The following SHLD1 variants were observed in gnomAD, a reference collection of about 807,000 sequenced individuals.
SHLD1 encodes the protein shieldin complex subunit 1, also known as RINN1-REV7-interacting novel NHEJ regulator 3.
A neutral mutation model predicts 5.5 loss-of-function variants in SHLD1; 3 were observed. The observed-to-expected ratio is 0.54, with a 90% CI of 0.25 to 1.40. The LOEUF (loss-of-function observed/expected upper bound fraction) is 1.40. Ranked by LOEUF, SHLD1 falls within the 40% of genes most tolerant of loss-of-function variation. SHLD1 has a pLI of 0.15. For synonymous variants in SHLD1, 92 were observed against 94.3 expected, an observed-to-expected ratio of 0.98 and a Z score of 0.14; for missense variants, 210 against 244.4, an observed-to-expected ratio of 0.86 and a Z score of 0.94.
chr20:5,838,270 A>G (rs533697203), intron 2 of SHLD1, among the ~76,000 whole-genome samples: 1 of 152,358 alleles, frequency 6.6e-6, no homozygotes, highest in Non-Finnish European at 1.5e-5. Flanking sequence ...ATCATATATG[A>G]GCATATTAAT....
chr20:5,758,928 T>C lies in SHLD1; in HGVS notation c.-5+8449T>C, dbSNP rs1984293806. Among the ~76,000 whole-genome samples, 4 of 151,660 alleles carry C rather than the reference T, an allele frequency of 2.6e-5. No homozygotes were observed. The South Asian group carries it at 8.3e-4, about 32-fold the overall frequency. On this transcript the variant is annotated intron_variant, in intron 1 of 2. Coordinates refer to ENST00000303142, the MANE Select transcript of SHLD1 (RefSeq NM_152504.4). ...GAGCAGATGTCAAATGTGTTTTTTT[T>C]TTTTTCTCATCTTTCTTGACAAGTT...
At chr20:5,856,189 C>T (rs1005189525) in intron 2 of SHLD1, among the ~76,000 whole-genome samples, 7 of 152,220 alleles carry the variant, frequency 4.6e-5, no homozygotes, top group African/African-American at 1.4e-4. Context: ...CACTGATTAA[C>T]GTCTGAGCAG....
intron 1 of SHLD1, among the ~76,000 whole-genome samples, chr20:5,755,929 CAAAG>C (rs1984066867): frequency 6.6e-6 from 1 of 152,144 alleles, no homozygotes; most frequent in Non-Finnish European, 1.5e-5. Context: ...CAAACTATGA[CAAAG>C]AAAATATGTT....
intron 1 of SHLD1, among the ~76,000 whole-genome samples, chr20:5,769,156 C>T (rs1985009325): frequency 6.6e-6 from 1 of 152,272 alleles, no homozygotes; most frequent in East Asian, 1.9e-4. Context: ...ATGCTTCTGC[C>T]TCGGCCCCGC....
At chr20:5,750,513 T>TGGGGGG (rs1983680237) in intron 1 of SHLD1, 34 bp downstream of exon 1, 15 of 23,246 alleles carry the variant, frequency 6.5e-4, no homozygotes, top group African/African-American at 1.2e-3. Context: ...GGGGTTGGAG[T>TGGGGGG]GGTGGGGGCG....
At chr20:5,846,355 T>C (rs896090305) in intron 2 of SHLD1, among the ~76,000 whole-genome samples, 1 of 152,260 alleles carries the variant, frequency 6.6e-6, no homozygotes, top group African/African-American at 2.4e-5. Context: ...GCTTATATTT[T>C]TCTTACGCGT....
chr20:5,861,578 G>A (rs1389534846), intron 2 of SHLD1, among the ~76,000 whole-genome samples: 2 of 152,122 alleles, frequency 1.3e-5, no homozygotes, highest in African/African-American at 4.8e-5. Context: ...GATAACTTCC[G>A]GATAATCTAT....
At chr20:5,805,445 C>T (rs547362545) in intron 2 of SHLD1, among the ~76,000 whole-genome samples, 45 of 152,148 alleles carry the variant, frequency 3.0e-4, no homozygotes, top group Non-Finnish European at 5.7e-4. Context: ...GCGTGAGACC[C>T]CTAATCCTTT....
At chr20:5,857,891 A>G (rs376177319) in intron 2 of SHLD1, among the ~76,000 whole-genome samples, 3 of 152,138 alleles carry the variant, frequency 2.0e-5, no homozygotes, top group Admixed American at 2.0e-4. Flanking sequence ...CGAGGTCAGG[A>G]GATCGAGACC....
intron 2 of SHLD1, among the ~76,000 whole-genome samples, chr20:5,824,080 A>T (rs959913728): frequency 2.0e-5 from 3 of 152,192 alleles, no homozygotes; most frequent in African/African-American, 4.8e-5. Context: ...AAGCTGCTCC[A>T]TCAGCTCTCT....
At chr20:5,825,354 C>T (rs909530325) in intron 2 of SHLD1, among the ~76,000 whole-genome samples, 14 of 152,318 alleles carry the variant, frequency 9.2e-5, no homozygotes, top group African/African-American at 3.1e-4. Flanking sequence ...TGGCTGACCA[C>T]GTTTCTAAGA....
Position 5,863,503 on chromosome 20 carries a change from G to A in SHLD1, c.*40G>A. The A allele has an allele frequency of 1.3e-6, 2 of 1,550,616 alleles. No homozygotes were observed. Among genetic ancestry groups the A allele is most frequent in the South Asian group, 1.3e-5 (1 of 79,238 alleles). ...TGTGCAGGGTAGTAATGGAGGTGCT[G>A]TGCCATGACCAGCAGTGTTGGTGGC... On this transcript the variant is annotated 3_prime_UTR_variant, in exon 3 of 3. Coordinates refer to ENST00000303142, the MANE Select transcript of SHLD1 (RefSeq NM_152504.4).
chr20:5,813,181 A>C lies in SHLD1; in HGVS notation c.178+40138A>C, dbSNP rs967572995. ...GTGAGTCACCATGCCTGGTCTTTAA[A>C]GGGCTTTTTAAATTCTAGTTCTTTG... On this transcript the variant is annotated intron_variant, in intron 2 of 2. Transcript: ENST00000303142. 4.0e-5 allele frequency among the ~76,000 whole-genome samples: 6 copies of C among 151,606 alleles called. No individual in the cohort carries two copies. The South Asian group carries it at 8.4e-4, about 21-fold the overall frequency.
At chr20:5,862,285 C>T (rs2088173380) in intron 2 of SHLD1, among the ~76,000 whole-genome samples, 1 of 152,196 alleles carries the variant, frequency 6.6e-6, no homozygotes, top group African/African-American at 2.4e-5. Flanking sequence ...TGTAGTGGGT[C>T]CCCCACCAGG....
chr20:5,817,601 C>A (rs965013026), intron 2 of SHLD1, among the ~76,000 whole-genome samples: 1 of 152,038 alleles, frequency 6.6e-6, no homozygotes, highest in Non-Finnish European at 1.5e-5. Context: ...TACTGAATAT[C>A]CCAGGTATTC....
chr20:5,814,114 G>A (rs1247831908), intron 2 of SHLD1, among the ~76,000 whole-genome samples: 4 of 151,552 alleles, frequency 2.6e-5, no homozygotes, highest in Non-Finnish European at 5.9e-5. Flanking sequence ...CACCATGCCC[G>A]GCTAATTTTT....
intron 2 of SHLD1, among the ~76,000 whole-genome samples, chr20:5,862,789 G>C (rs1363031152): frequency 2.6e-5 from 4 of 152,140 alleles, no homozygotes; most frequent in Non-Finnish European, 5.9e-5. Flanking sequence ...TCTATACAGG[G>C]ACATCGGGCT....
intron 2 of SHLD1, among the ~76,000 whole-genome samples, chr20:5,795,178 G>T (rs540688173): frequency 1.3e-5 from 2 of 152,022 alleles, no homozygotes; most frequent in East Asian, 1.9e-4. Flanking sequence ...AGCAGAGGTT[G>T]CAGTAAGCCG....
chr20:5,773,141 G>A, intron 2 of SHLD1, 98 bp downstream of exon 2: 1 of 1,346,064 alleles, frequency 7.4e-7, no homozygotes, highest in Non-Finnish European at 1.1e-6. Flanking sequence ...GCAGATCTCT[G>A]AGAATGCTTC....
Sources: allele counts gnomAD v4.1 joint callset (sites outside exome capture counted in the v4.1 genomes callset), GRCh38; gene constraint gnomAD v4.1.1; transcripts MANE v1.5; gene names NCBI Gene and HGNC (gene_info 2026-07-23, HGNC 2026-07-21).